Variants in ONECUT2 observed in about 807,000 individuals in gnomAD.
ONECUT2 encodes one cut homeobox 2.
In ONECUT2, 10 loss-of-function variants were observed where a neutral mutation model predicts 27.9. The observed-to-expected ratio is 0.36, with a 90% CI of 0.22 to 0.61. The LOEUF is 0.61. Among genes scored for constraint, ONECUT2 ranks in the 20% least tolerant of loss-of-function variants. ONECUT2 has a pLI of 0.73. For missense variants in ONECUT2, 686 were observed against 721.0 expected, an observed-to-expected ratio of 0.95 and a Z score of 0.56; for synonymous variants, 334 against 315.1, an observed-to-expected ratio of 1.06 and a Z score of -0.64.
rs1395051175 is a variant in ONECUT2, at chr18:57,481,759, A to G, written c.*5036A>G. The G allele has an allele frequency of 6.6e-6, 1 of 152,216 alleles. No individual in the cohort carries two copies. Among genetic ancestry groups the G allele is most frequent in the African/African-American group, 2.4e-5 (1 of 41,448 alleles). 9.4% of individuals were successfully genotyped at this position (152,216 alleles called of 1,614,324 possible). On this transcript the variant is annotated 3_prime_UTR_variant, in exon 2 of 2. Coordinates refer to ENST00000491143, the MANE Select transcript of ONECUT2 (RefSeq NM_004852.3). ...TCTAAGAAGAAAAGGCCTGTTTCCA[A>G]TGTTGTTGAAGAATAATGAACTCTA...
chr18:57,478,040 T>C lies in ONECUT2; in HGVS notation c.*1317T>C, dbSNP rs2050394510. 6.6e-6 allele frequency: 1 copy of C among 152,670 alleles called. No homozygotes were observed. Among genetic ancestry groups the C allele is most frequent in the Non-Finnish European group, 1.5e-5 (1 of 68,042 alleles). 9.5% of individuals were successfully genotyped at this position (152,670 alleles called of 1,614,324 possible). A position where few individuals can be genotyped will look rare whatever the true frequency, so the allele number is the denominator to read the frequency against. ...GCAAACCAAAGACATTTATGACTTG[T>C]CATTTTCTAGCCTAAAAATACTGTG... On this transcript the variant is annotated 3_prime_UTR_variant, in exon 2 of 2. Coordinates refer to ENST00000491143, the MANE Select transcript of ONECUT2 (RefSeq NM_004852.3).
At position 57,476,732 on chromosome 18, in the gene ONECUT2, C is replaced by T. The variant is rs778099745; in HGVS notation, c.*9C>T. Reference sequence around the variant, plus strand: ...CGTGTACCAAAGCATGATGGAAGGACTCTCACTTGGGCACAAGTCACCTCC... The same window carrying T: ...CGTGTACCAAAGCATGATGGAAGGATTCTCACTTGGGCACAAGTCACCTCC... On this transcript the variant is annotated 3_prime_UTR_variant, in exon 2 of 2. Coordinates refer to ENST00000491143, the MANE Select transcript of ONECUT2 (RefSeq NM_004852.3). The T allele has an allele frequency of 3.1e-5, 50 of 1,612,922 alleles. No homozygotes were observed. The highest frequency in any genetic ancestry group is 4.1e-5 in the Non-Finnish European group (48 of 1,179,468).
rs777977134 is a variant in ONECUT2 at position 57,435,985 on chromosome 18, A to G, written c.269A>G (p.Glu90Gly). The change falls in exon 1 of 2, where the codon GAG becomes GGG. Residue 90 changes from glutamate to glycine, a missense_variant. Physicochemically the swap from Glu to Gly is moderately conservative, Grantham distance 98. Transcript: ENST00000491143. The stretch of plus-strand genomic sequence containing the variant: ...CCGCCGCCTCCAACCGCGCACCAGG[A>G]GCTGGGCACGGCGGCAGCGGCGGCA... ...GPPPPPTAHQ[E>G]LGTAAAAAAA... 3.4e-6 allele frequency: 5 copies of G among 1,488,446 alleles called. No individual in the cohort carries two copies. Among genetic ancestry groups the G allele is most frequent in the Non-Finnish European group, 4.5e-6 (5 of 1,123,400 alleles). The allele number at this position is 1,488,446 out of a possible 1,614,324, so 92.2% of individuals were successfully genotyped here.
At chr18:57,460,898 C>T (rs1411345332) in intron 1 of ONECUT2, among the ~76,000 whole-genome samples, 1 of 152,044 alleles carries the variant, frequency 6.6e-6, no homozygotes, top group Non-Finnish European at 1.5e-5. Flanking sequence ...ACTCTCTTGC[C>T]CAGGCTGGTC....
At chr18:57,456,548 C>T (rs1168727204) in intron 1 of ONECUT2, among the ~76,000 whole-genome samples, 1 of 152,106 alleles carries the variant, frequency 6.6e-6, no homozygotes, top group Non-Finnish European at 1.5e-5. Context: ...TAGTCAAACT[C>T]ATAGAAACGG....
At position 57,436,715 on chromosome 18, in the gene ONECUT2, C is replaced by A. The variant is rs762880055; in HGVS notation, c.999C>A (p.Ile333=). 1 of 1,613,686 alleles carries A rather than the reference C, an allele frequency of 6.2e-7. No individual in the cohort carries two copies. The highest frequency in any genetic ancestry group is 1.3e-5 in the African/African-American group (1 of 74,936). The change falls in exon 1 of 2, where the codon ATC becomes ATA. Residue 333 remains isoleucine, a synonymous_variant. Coordinates refer to ENST00000491143, the MANE Select transcript of ONECUT2 (RefSeq NM_004852.3). The surrounding 1 kb of genome is among the most constrained non-coding windows in gnomAD (Gnocchi z 5.9). ...QVATSGQLEE[I]NTKEVAQRIT... The stretch of plus-strand genomic sequence containing the variant: ...CCACGTCGGGCCAGCTGGAAGAAAT[C>A]AACACCAAAGAGGTGGCCCAGCGCA...
chr18:57,459,806 G>A (rs569951501), intron 1 of ONECUT2, among the ~76,000 whole-genome samples: 12 of 152,140 alleles, frequency 7.9e-5, no homozygotes, highest in African/African-American at 2.7e-4. Flanking sequence ...TGATCCACCC[G>A]CCTCAGCCTC....
rs745696586 is a variant in ONECUT2, at chr18:57,476,504, G to T, written c.1296G>T (p.Val432=). Residue 432 remains valine (V), a synonymous_variant, in exon 2 of 2, where the codon GTG becomes GTT. Transcript: ENST00000491143. The part of the protein sequence containing the change: ...RNNSQKKSRL[V]FTDLQRRTLF... ...ATTCCCAGAAGAAGTCCCGCCTGGTGTTCACTGACCTCCAACGCCGAACAC... is the reference window on the plus strand; with the variant it reads ...ATTCCCAGAAGAAGTCCCGCCTGGTTTTCACTGACCTCCAACGCCGAACAC... The T allele has an allele frequency of 6.2e-7, 1 of 1,614,196 alleles. No individual in the cohort carries two copies. The highest frequency in any genetic ancestry group is 1.1e-5 in the South Asian group (1 of 91,088).
chr18:57,456,836 T>C (rs1300866348), intron 1 of ONECUT2, among the ~76,000 whole-genome samples: 1 of 152,146 alleles, frequency 6.6e-6, no homozygotes, highest in Non-Finnish European at 1.5e-5. Context: ...AAAAGCCAGG[T>C]GCGGTGGCAT....
chr18:57,471,789 A>G (rs2050355448), intron 1 of ONECUT2, among the ~76,000 whole-genome samples: 1 of 152,176 alleles, frequency 6.6e-6, no homozygotes, highest in African/African-American at 2.4e-5. Flanking sequence ...GCCTTATTGT[A>G]GGTAAACAAA....
Position 57,462,727 on chromosome 18 carries a change from T to C in ONECUT2, c.1229-13710T>C, listed in dbSNP as rs552156338. 1.5e-4 allele frequency among the ~76,000 whole-genome samples: 21 copies of C among 140,272 alleles called. No individual in the cohort carries two copies. In the East Asian group the frequency reaches 2.6e-3, roughly 17 times the overall value. 92.0% of individuals were successfully genotyped at this position (140,272 alleles called of 152,430 possible). A position where few individuals can be genotyped will look rare whatever the true frequency, so the allele number is the denominator to read the frequency against. ...TTACCCTATGTTATTTTCTTTCTTT[T>C]TTTTTTTTTTTTTTTTTTTTTGAGA... On this transcript the variant is annotated intron_variant, in intron 1 of 1. Coordinates refer to ENST00000491143, the MANE Select transcript of ONECUT2 (RefSeq NM_004852.3).
intron 1 of ONECUT2, among the ~76,000 whole-genome samples, chr18:57,462,952 G>A (rs1334906815): frequency 1.3e-5 from 2 of 151,840 alleles, no homozygotes; most frequent in Non-Finnish European, 2.9e-5. Flanking sequence ...GGCTGGTCTC[G>A]AACTCCTGAC....
chr18:57,444,562 C>G (rs1024430656), intron 1 of ONECUT2: 83 of 402,688 alleles, frequency 2.1e-4, no homozygotes, highest in African/African-American at 1.5e-3. Flanking sequence ...TCCCCACCCC[C>G]CAGGGTGAGG....
At position 57,491,257 on chromosome 18, in the gene ONECUT2, A is replaced by AATTCTGC. The variant is rs61622454; in HGVS notation, c.*14536_*14542dup. On this transcript the variant is annotated 3_prime_UTR_variant, in exon 2 of 2. Transcript: ENST00000491143. Reference sequence around the variant, plus strand: ...CCTATCATTAAATGGTAGTGCTGTAAATTCTGCAATTAATGTTAAATAAAC... The same window carrying AATTCTGC: ...CCTATCATTAAATGGTAGTGCTGTAAATTCTGCATTCTGCAATTAATGTTAAATAAAC... 87,918 of 149,306 alleles carry AATTCTGC rather than the reference A, an allele frequency of 0.59. 29,100 individuals are homozygous for AATTCTGC. The highest frequency in any genetic ancestry group is 0.89 in the East Asian group (4,564 of 5,128). 9.2% of individuals were successfully genotyped at this position (149,306 alleles called of 1,614,324 possible).
In ONECUT2 at chr18:57,476,784, A is replaced by C. The variant is rs564507806; in HGVS notation, c.*61A>C. 568 of 1,530,378 alleles carry C rather than the reference A, an allele frequency of 3.7e-4. 3 individuals are homozygous for C. Among genetic ancestry groups the C allele is most frequent in the Middle Eastern group, 2.2e-3 (10 of 4,594 alleles). The allele number at this position is 1,530,378 out of a possible 1,614,324, so 94.8% of individuals were successfully genotyped here. ...AATGAGGACAACAGATACCAAAAGA[A>C]AACAAAGGAAAAAGACACCGGATTC... On this transcript the variant is annotated 3_prime_UTR_variant, in exon 2 of 2. Coordinates refer to ENST00000491143, the MANE Select transcript of ONECUT2 (RefSeq NM_004852.3).
rs1043228403 is a variant in ONECUT2 at position 57,483,128 on chromosome 18, A to G, written c.*6405A>G. The G allele has an allele frequency of 6.6e-5, 10 of 150,424 alleles. No individual in the cohort carries two copies. Among genetic ancestry groups the G allele is most frequent in the East Asian group, 5.8e-4 (3 of 5,192 alleles). The allele number at this position is 150,424 out of a possible 1,614,324, so 9.3% of individuals were successfully genotyped here. On this transcript the variant is annotated 3_prime_UTR_variant, in exon 2 of 2. Transcript: ENST00000491143. ...CTGAAAAAGGACAAAAAGAAAAAAA[A>G]AAAAAGAAAAAACAAAGAAAAAGAA...
chr18:57,438,411 C>T (rs2050155807), intron 1 of ONECUT2, among the ~76,000 whole-genome samples: 1 of 152,232 alleles, frequency 6.6e-6, no homozygotes, highest in South Asian at 2.1e-4. Flanking sequence ...CGGTTCCGAG[C>T]CAGCCTCGCA....
At chr18:57,458,276 T>C (rs2122125661) in intron 1 of ONECUT2, among the ~76,000 whole-genome samples, 1 of 152,350 alleles carries the variant, frequency 6.6e-6, no homozygotes, top group Non-Finnish European at 1.5e-5. Flanking sequence ...CTATCTCCTT[T>C]AATACCAGTC....
At position 57,435,851 on chromosome 18, in the gene ONECUT2, CG is replaced by C; in HGVS notation, c.140del (p.Gly47AlafsTer85). On this transcript the variant is annotated frameshift_variant, in exon 1 of 2. Transcript: ENST00000491143. LOFTEE classifies it high-confidence loss of function. ...GCGGCGGCAGTGGCGGGGGCGGCGG[CG>C]GGGGCGGCGGGGGCGGCGGCGGGGG... ...AGGGSGGGGG[G>X]GGGGGGGGPG... is the part of the protein sequence containing the mutation. The C allele has an allele frequency of 1.3e-6, 1 of 750,942 alleles. No individual in the cohort carries two copies. Among genetic ancestry groups the C allele is most frequent in the Non-Finnish European group, 1.6e-6 (1 of 616,218 alleles). The allele number at this position is 750,942 out of a possible 1,614,324, so 46.5% of individuals were successfully genotyped here.
Sources: gnomAD v4.1 joint callset for allele counts (sites outside exome capture counted in the v4.1 genomes callset) on GRCh38, gnomAD v4.1.1 for gene constraint, Gnocchi (gnomAD v3.1) non-coding constraint, MANE v1.5 for transcripts, NCBI Gene and HGNC (gene_info 2026-07-23, HGNC 2026-07-21) for gene names.